The following C8orf34 variants were observed in gnomAD, a reference collection of about 807,000 sequenced individuals.
C8orf34 encodes the protein uncharacterized protein C8orf34.
Under a neutral mutation model 68.3 loss-of-function variants are expected in C8orf34, and 65 were observed. That is an observed-to-expected ratio of 0.95 (90% confidence interval 0.78 to 1.17). The LOEUF is 1.17. C8orf34 is among the 50% of genes most tolerant of loss of function. The pLI is 0.00. For synonymous variants in C8orf34, 244 were observed against 241.2 expected, an observed-to-expected ratio of 1.01 and a Z score of -0.11; for missense variants, 664 against 655.4, an observed-to-expected ratio of 1.01 and a Z score of -0.14.
intron 5 of C8orf34, 148 bp from the exon 6 acceptor site, chr8:68,521,651 T>C: frequency 3.2e-6 from 2 of 625,554 alleles, no homozygotes; most frequent in South Asian, 4.6e-5. Context: ...ACAAGCTATC[T>C]AGTAGAGTTG....
chr8:68,798,488 T>C (rs1824242828), intron 12 of C8orf34, among the ~76,000 whole-genome samples: 1 of 152,120 alleles, frequency 6.6e-6, no homozygotes, highest in African/African-American at 2.4e-5. Context: ...ATCTAAACTC[T>C]TATCAGATGA....
intron 7 of C8orf34, among the ~76,000 whole-genome samples, chr8:68,558,902 A>G (rs1303164413): frequency 2.4e-4 from 37 of 152,214 alleles, no homozygotes; most frequent in Admixed American, 2.4e-3. Context: ...TGTTGTATAA[A>G]CAACATTAAA....
chr8:68,611,007 G>C (rs377100389), intron 7 of C8orf34, among the ~76,000 whole-genome samples: 4 of 151,928 alleles, frequency 2.6e-5, no homozygotes, highest in Admixed American at 2.0e-4. Context: ...TGGTAATATA[G>C]GCATGTGCCA....
intron 5 of C8orf34, among the ~76,000 whole-genome samples, chr8:68,515,632 A>T (rs1334609853): frequency 2.0e-5 from 3 of 152,212 alleles, no homozygotes; most frequent in Admixed American, 2.0e-4. Context: ...TCTGAGTAAA[A>T]TAAAAGCAAT....
intron 10 of C8orf34, among the ~76,000 whole-genome samples, chr8:68,727,834 G>C (rs1164143582): frequency 2.6e-5 from 4 of 152,190 alleles, no homozygotes; most frequent in African/African-American, 7.2e-5. Context: ...CACAGCATAG[G>C]GACCCTAGGC....
intron 10 of C8orf34, among the ~76,000 whole-genome samples, chr8:68,735,944 T>A (rs984918689): frequency 6.6e-6 from 1 of 152,292 alleles, no homozygotes; most frequent in Middle Eastern, 3.4e-3. Flanking sequence ...TGACTTTAGG[T>A]TCAACAACAC....
At chr8:68,808,766 G>T (rs768075711) in intron 12 of C8orf34, among the ~76,000 whole-genome samples, 1 of 152,114 alleles carries the variant, frequency 6.6e-6, no homozygotes, top group Admixed American at 6.5e-5. Flanking sequence ...TTTAATATCC[G>T]CAGGGGTCTT....
In C8orf34 at chr8:68,790,928, A is replaced by G. The variant is rs1823977450; in HGVS notation, c.1549+3392A>G. The G allele has an allele frequency of 5.8e-6, 4 of 687,328 alleles. No homozygotes were observed. In the Admixed American group the frequency reaches 8.6e-5, roughly 15 times the overall value. The allele number at this position is 687,328 out of a possible 1,614,324, so 42.6% of individuals were successfully genotyped here. ...ACTAGAAGAAAAATTTCAATGAGTC[A>G]GAGGGTTATGTTTTCTGAATCAGCT... On this transcript the variant is annotated intron_variant, in intron 12 of 13. Coordinates refer to ENST00000518698, the MANE Select transcript of C8orf34 (RefSeq NM_052958.4).
At position 68,736,465 on chromosome 8, in the gene C8orf34, G is replaced by A. The variant is rs566830095; in HGVS notation, c.1404+15028G>A. The stretch of plus-strand genomic sequence containing the variant: ...TGTCCTTCAGAATTTTAGCAAATAG[G>A]TGGCAGTGTAGCTTGCAAAATCTTC... On this transcript the variant is annotated intron_variant, in intron 10 of 13. Coordinates refer to ENST00000518698, the MANE Select transcript of C8orf34 (RefSeq NM_052958.4). 7.9e-4 allele frequency among the ~76,000 whole-genome samples: 120 copies of A among 152,138 alleles called. 1 individual carries two copies. The highest frequency in any genetic ancestry group is 2.6e-3 in the African/African-American group (110 of 41,524).
intron 3 of C8orf34, chr8:68,447,037 T>G (rs1348743880): frequency 6.5e-6 from 1 of 153,440 alleles, no homozygotes; most frequent in East Asian, 1.9e-4. Flanking sequence ...TGGCTTACGG[T>G]TCTGCAGACT....
rs534285808 is a variant in C8orf34 at position 68,372,567 on chromosome 8, C to T, written c.327+41228C>T. On this transcript the variant is annotated intron_variant, in intron 1 of 13. Transcript: ENST00000518698. ...GGGAGTAAGTCCCTCCTCTCCTCTTCCTGTTTTCCCATTTTTGCAACTCTC... is the reference window on the plus strand; with the variant it reads ...GGGAGTAAGTCCCTCCTCTCCTCTTTCTGTTTTCCCATTTTTGCAACTCTC... 3.3e-5 allele frequency among the ~76,000 whole-genome samples: 5 copies of T among 152,272 alleles called. No individual in the cohort carries two copies. The East Asian group carries it at 7.7e-4, about 24-fold the overall frequency.
intron 10 of C8orf34, among the ~76,000 whole-genome samples, chr8:68,730,273 T>G (rs1821943634): frequency 6.6e-6 from 1 of 152,170 alleles, no homozygotes; most frequent in African/African-American, 2.4e-5. Context: ...AAATTTATGT[T>G]AAAGAACAGT....
At chr8:68,757,115 C>G (rs889743705) in intron 10 of C8orf34, among the ~76,000 whole-genome samples, 2 of 152,282 alleles carry the variant, frequency 1.3e-5, no homozygotes, top group South Asian at 4.1e-4. Flanking sequence ...TAAAGTCTTG[C>G]TGTGCAACTG....
At chr8:68,532,914 C>T in intron 6 of C8orf34, 69 bp from the exon 7 acceptor site, 1 of 1,169,710 alleles carries the variant, frequency 8.5e-7, no homozygotes, top group Admixed American at 2.4e-5. Context: ...AATAAAATAA[C>T]CAAATGGAAA....
At chr8:68,434,255 G>A (rs182023044) in intron 1 of C8orf34, among the ~76,000 whole-genome samples, 94 of 152,152 alleles carry the variant, frequency 6.2e-4, no homozygotes, top group Middle Eastern at 3.4e-3. Context: ...TTTAAGTCCC[G>A]CATAGCATAC....
chr8:68,466,367 C>A (rs937935478), intron 3 of C8orf34, among the ~76,000 whole-genome samples: 3 of 151,928 alleles, frequency 2.0e-5, no homozygotes, highest in African/African-American at 7.3e-5. Flanking sequence ...TCAGTAGATG[C>A]ACACCCTAAG....
intron 11 of C8orf34, among the ~76,000 whole-genome samples, chr8:68,786,240 C>T (rs972364824): frequency 5.3e-5 from 8 of 152,148 alleles, no homozygotes; most frequent in South Asian, 2.1e-4. Context: ...AATTTAAAGT[C>T]GTTATTTTGT....
intron 8 of C8orf34, 71 bp from the exon 9 acceptor site, chr8:68,708,923 C>G: frequency 4.6e-6 from 5 of 1,076,470 alleles, no homozygotes; most frequent in Non-Finnish European, 7.0e-6. Flanking sequence ...GCCATGTCCC[C>G]CATGGTGCAT....
rs549193379 is a variant in C8orf34, at chr8:68,458,871, AT to A, written c.608-9814del. On this transcript the variant is annotated intron_variant, in intron 3 of 13. Transcript: ENST00000518698. ...AAGCTCAGATGAGGCAGCTGCGTTC[AT>A]TTTTTTATTTTTAATTTCTAGATTT... Among the ~76,000 whole-genome samples, 326 of 152,276 alleles carry A rather than the reference AT, an allele frequency of 2.1e-3. 1 individual carries two copies. The highest frequency in any genetic ancestry group is 7.1e-3 in the African/African-American group (293 of 41,556).
Sources: allele counts gnomAD v4.1 joint callset (sites outside exome capture counted in the v4.1 genomes callset), GRCh38; gene constraint gnomAD v4.1.1; transcripts MANE v1.5; gene names NCBI Gene and HGNC (gene_info 2026-07-23, HGNC 2026-07-21).